Variants in LIPJ observed in about 807,000 individuals in gnomAD.
LIPJ encodes the protein lipase member J.
A neutral mutation model predicts 39.8 loss-of-function variants in LIPJ; 33 were observed. That is an observed-to-expected ratio of 0.83 (90% CI 0.63 to 1.11). The LOEUF is 1.11. Ranked by LOEUF, LIPJ falls within the 50% of genes least tolerant of loss-of-function variation. LIPJ has a pLI of 0.00. For missense variants in LIPJ, 422 were observed against 427.9 expected (o/e 0.99, Z 0.12); for synonymous variants, 128 against 139.2 (o/e 0.92, Z 0.57).
chr10:88,583,494 ATTG>A, upstream of LIPJ: 1 of 1,238,850 alleles, frequency 8.1e-7, no homozygotes, highest in Admixed American at 3.9e-5. Flanking sequence ...GGTGTGGGCT[ATTG>A]TTGGGAGAAC....
At chr10:88,593,792 C>T in intron 4 of LIPJ, 154 bp from the exon 5 acceptor site, 1 of 615,800 alleles carries the variant, frequency 1.6e-6, no homozygotes, top group Non-Finnish European at 2.8e-6. Context: ...CTCTGTCATA[C>T]AACGGGATTA....
intron 10 of LIPJ, among the ~76,000 whole-genome samples, chr10:88,606,250 A>G (rs1442668009): frequency 2.0e-5 from 3 of 152,178 alleles, no homozygotes; most frequent in African/African-American, 7.2e-5. Flanking sequence ...TGATCTGTTC[A>G]TATAAAAGTC....
At chr10:88,584,521 G>A (rs1228460192), upstream of LIPJ, 2 of 152,162 alleles carry the variant, frequency 1.3e-5, no homozygotes, top group Admixed American at 1.3e-4. Context: ...AAAGAAATAC[G>A]TAAGTCCAAT....
chr10:88,595,494 C>A (rs1851222565), intron 6 of LIPJ, among the ~76,000 whole-genome samples: 1 of 151,458 alleles, frequency 6.6e-6, no homozygotes, highest in Non-Finnish European at 1.5e-5. Context: ...CAATCTAATC[C>A]CATTTTGTAT....
At chr10:88,596,562 C>A in intron 7 of LIPJ, 146 bp downstream of exon 7, 2 of 951,662 alleles carry the variant, frequency 2.1e-6, no homozygotes, top group South Asian at 2.1e-5. Flanking sequence ...GTTTTTGTTT[C>A]TGCAAAGGAA....
intron 7 of LIPJ, 73 bp from the exon 8 acceptor site, chr10:88,596,717 G>T (rs192112545): frequency 7.3e-5 from 94 of 1,286,642 alleles, no homozygotes; most frequent in Middle Eastern, 6.9e-4. Flanking sequence ...TTTATAGATA[G>T]TGAATTACCA....
chr10:88,610,063 G>A (rs916761457), downstream of LIPJ, among the ~76,000 whole-genome samples: 2 of 152,110 alleles, frequency 1.3e-5, no homozygotes, highest in African/African-American at 4.8e-5. Flanking sequence ...CCTCTGATAA[G>A]CCTCAATCCT....
chr10:88,621,136 G>A, the LIPJ span, among the ~76,000 whole-genome samples: 6 of 152,188 alleles, frequency 3.9e-5, no homozygotes, highest in East Asian at 3.9e-4. Context: ...AATTCATAGC[G>A]CCATATGATG....
intron 9 of LIPJ, 77 bp downstream of exon 9, chr10:88,602,724 A>G: frequency 1.3e-6 from 1 of 786,780 alleles, no homozygotes; most frequent in Non-Finnish European, 2.0e-6. Flanking sequence ...TAGGGATCAT[A>G]CCATGGCCAT....
At chr10:88,618,830 C>T in the LIPJ span, 1 of 166,076 alleles carries the variant, frequency 6.0e-6, no homozygotes, top group South Asian at 1.5e-4. Flanking sequence ...AGCATATTTT[C>T]CTTCTTAGGC....
At chr10:88,604,088 C>T (rs1158716353) in intron 9 of LIPJ, among the ~76,000 whole-genome samples, 1 of 152,074 alleles carries the variant, frequency 6.6e-6, no homozygotes, top group African/African-American at 2.4e-5. Flanking sequence ...ACTTTAAAAA[C>T]TATTATAATG....
At chr10:88,603,583 G>A (rs1851567006) in intron 9 of LIPJ, among the ~76,000 whole-genome samples, 1 of 152,184 alleles carries the variant, frequency 6.6e-6, no homozygotes, top group Non-Finnish European at 1.5e-5. Context: ...CTGGCCCTTA[G>A]TGGCAGGGTG....
At position 88,596,433 on chromosome 10, in the gene LIPJ, T is replaced by C. The variant is rs2134557929; in HGVS notation, c.576+17T>C. 6.8e-7 allele frequency: 1 copy of C among 1,475,638 alleles called. No individual in the cohort carries two copies. Among genetic ancestry groups the C allele is most frequent in the Non-Finnish European group, 9.0e-7 (1 of 1,111,110 alleles). 91.4% of individuals were successfully genotyped at this position (1,475,638 alleles called of 1,614,324 possible). ...ATAGTCATGGTATGTTCTACCTTTA[T>C]TTTATGTCATTGATAACCCAAAGTG... On this transcript the variant is annotated intron_variant, in intron 7 of 10. Coordinates refer to ENST00000371939, the Ensembl canonical transcript of LIPJ.
At chr10:88,604,926 G>T (rs1341375200) in intron 9 of LIPJ, among the ~76,000 whole-genome samples, 1 of 152,148 alleles carries the variant, frequency 6.6e-6, no homozygotes, top group Non-Finnish European at 1.5e-5. Flanking sequence ...AGCAAGGATT[G>T]GGTATTGAGA....
chr10:88,601,342 A>G (rs938304878), intron 8 of LIPJ, among the ~76,000 whole-genome samples: 1 of 152,190 alleles, frequency 6.6e-6, no homozygotes, highest in African/African-American at 2.4e-5. Flanking sequence ...AAACATTCAA[A>G]CCATGGCAGT....
intron 9 of LIPJ, among the ~76,000 whole-genome samples, chr10:88,603,949 G>A (rs938647126): frequency 6.6e-6 from 1 of 152,070 alleles, no homozygotes; most frequent in African/African-American, 2.4e-5. Flanking sequence ...AATATTTATT[G>A]TATACCTACT....
At chr10:88,583,281 C>A, upstream of LIPJ, 1 of 1,556,040 alleles carries the variant, frequency 6.4e-7, no homozygotes, top group African/African-American at 1.4e-5. Flanking sequence ...GGCGCTAGCG[C>A]TCTTTGGTTC....
chr10:88,620,654 T>A, the LIPJ span, among the ~76,000 whole-genome samples: 1 of 152,170 alleles, frequency 6.6e-6, no homozygotes, highest in Non-Finnish European at 1.5e-5. Context: ...CAAGTGTTAG[T>A]AAGAATGCAT....
At chr10:88,602,474 T>TA (rs1167434022) in intron 8 of LIPJ, 102 bp from the exon 9 acceptor site, 10 of 669,184 alleles carry the variant, frequency 1.5e-5, no homozygotes, top group Non-Finnish European at 2.1e-5. Flanking sequence ...AATTTTAAAT[T>TA]AAATTTTCTT....
Sources: allele counts gnomAD v4.1 joint callset (sites outside exome capture counted in the v4.1 genomes callset), GRCh38; gene constraint gnomAD v4.1.1; transcripts MANE v1.5; gene names NCBI Gene and HGNC (gene_info 2026-07-23, HGNC 2026-07-21).